LSAMP: variants seen among roughly 807,000 people sequenced by gnomAD.
LSAMP encodes the protein limbic system-associated membrane protein.
Under a neutral mutation model 38.6 loss-of-function variants are expected in LSAMP, and 7 were observed. The observed-to-expected ratio is 0.18, with a 90% CI of 0.10 to 0.34. LSAMP has a LOEUF of 0.34. Ranked by LOEUF, LSAMP falls within the 10% of genes least tolerant of loss-of-function variation. LSAMP has a pLI of 1.00. For missense variants in LSAMP, 313 were observed against 420.0 expected, an observed-to-expected ratio of 0.75 and a Z score of 2.23; for synonymous variants, 154 against 166.8, an observed-to-expected ratio of 0.92 and a Z score of 0.59.
At chr3:116,004,364 A>T (rs1940089064) in intron 3 of LSAMP, among the ~76,000 whole-genome samples, 1 of 151,960 alleles carries the variant, frequency 6.6e-6, no homozygotes, top group Non-Finnish European at 1.5e-5. Context: ...AATAAAAATA[A>T]TATCAAGTTC....
chr3:116,017,785 G>A (rs1940525736), intron 3 of LSAMP, among the ~76,000 whole-genome samples: 1 of 152,078 alleles, frequency 6.6e-6, no homozygotes, highest in Non-Finnish European at 1.5e-5. Flanking sequence ...CTTTTCAAAG[G>A]AAAACTATGT....
At chr3:115,839,132 C>A (rs553066513) in intron 6 of LSAMP, among the ~76,000 whole-genome samples, 21 of 152,348 alleles carry the variant, frequency 1.4e-4, no homozygotes, top group African/African-American at 4.6e-4. Flanking sequence ...TGCACAGTGT[C>A]TTCCTTTTCC....
chr3:116,348,564 T>C (rs2048094360), intron 1 of LSAMP, among the ~76,000 whole-genome samples: 1 of 152,158 alleles, frequency 6.6e-6, no homozygotes, highest in Non-Finnish European at 1.5e-5. Context: ...TTAGAGGCCA[T>C]GACTGTGTAA....
chr3:116,007,663 AACACAC>A (rs71616337), intron 3 of LSAMP, among the ~76,000 whole-genome samples: 2 of 150,764 alleles, frequency 1.3e-5, no homozygotes, highest in East Asian at 1.9e-4. Flanking sequence ...TATTTTTATA[AACACAC>A]ACACACACAC....
intron 3 of LSAMP, among the ~76,000 whole-genome samples, chr3:115,959,046 T>G (rs569345705): frequency 1.3e-5 from 2 of 152,204 alleles, no homozygotes; most frequent in East Asian, 3.9e-4. Context: ...CCATACCCTA[T>G]AGTTAGGACA....
At chr3:116,195,384 A>G (rs1302785737) in intron 1 of LSAMP, among the ~76,000 whole-genome samples, 1 of 152,192 alleles carries the variant, frequency 6.6e-6, no homozygotes, top group Non-Finnish European at 1.5e-5. Flanking sequence ...TTCTATTATT[A>G]AAAGCAATTT....
intron 1 of LSAMP, among the ~76,000 whole-genome samples, chr3:116,279,451 C>G (rs780553748): frequency 1.3e-5 from 2 of 152,206 alleles, no homozygotes; most frequent in Admixed American, 6.5e-5. Flanking sequence ...CAATATAACT[C>G]TAGTCTTTGA....
At chr3:115,842,663 T>C (rs1935034896) in intron 4 of LSAMP, 85 bp from the exon 5 acceptor site, 1 of 1,544,388 alleles carries the variant, frequency 6.5e-7, no homozygotes, top group Admixed American at 1.8e-5. Context: ...AAGGACAATC[T>C]GATTAGAGAG....
chr3:116,389,780 T>C (rs2048668935), intron 1 of LSAMP, among the ~76,000 whole-genome samples: 1 of 152,204 alleles, frequency 6.6e-6, no homozygotes, highest in Non-Finnish European at 1.5e-5. Flanking sequence ...CTTCTGAACC[T>C]AGAACATATT....
intron 3 of LSAMP, among the ~76,000 whole-genome samples, chr3:115,993,665 G>A (rs1253941985): frequency 6.6e-6 from 1 of 151,712 alleles, no homozygotes; most frequent in African/African-American, 2.4e-5. Context: ...TAAACCTTTT[G>A]CCCTCAAAAT....
intron 3 of LSAMP, among the ~76,000 whole-genome samples, chr3:115,872,271 T>C (rs1002752339): frequency 1.3e-5 from 2 of 152,148 alleles, no homozygotes; most frequent in African/African-American, 4.8e-5. Context: ...CTGTTAAATA[T>C]ATTTTCTTGC....
At chr3:116,325,931 A>G (rs1454240188) in intron 1 of LSAMP, among the ~76,000 whole-genome samples, 1 of 152,186 alleles carries the variant, frequency 6.6e-6, no homozygotes, top group Non-Finnish European at 1.5e-5. Flanking sequence ...AAGAAAGCAC[A>G]AGCGTATCCA....
At chr3:115,992,410 T>C (rs970821156) in intron 3 of LSAMP, among the ~76,000 whole-genome samples, 1 of 152,048 alleles carries the variant, frequency 6.6e-6, no homozygotes, top group Non-Finnish European at 1.5e-5. Context: ...GCTGGTCTTC[T>C]TTATAGTTTT....
chr3:115,972,325 TAGAA>T (rs1320002016), intron 3 of LSAMP, among the ~76,000 whole-genome samples: 1 of 151,976 alleles, frequency 6.6e-6, no homozygotes, highest in Non-Finnish European at 1.5e-5. Flanking sequence ...AGAAATAAGT[TAGAA>T]AGACCAAATT....
chr3:116,227,185 G>A (rs1024455012), intron 1 of LSAMP, among the ~76,000 whole-genome samples: 2 of 152,050 alleles, frequency 1.3e-5, no homozygotes, highest in East Asian at 1.9e-4. Context: ...CTACCCATAT[G>A]CTTGTAAACT....
chr3:115,906,691 G>A (rs567566179), intron 3 of LSAMP, among the ~76,000 whole-genome samples: 16 of 152,078 alleles, frequency 1.1e-4, no homozygotes, highest in Non-Finnish European at 2.1e-4. Context: ...TAAATAAATT[G>A]CTATCTACAA....
At chr3:116,109,811 A>C (rs957680255) in intron 1 of LSAMP, among the ~76,000 whole-genome samples, 3 of 150,300 alleles carry the variant, frequency 2.0e-5, no homozygotes, top group Non-Finnish European at 4.4e-5. Context: ...GAGAAAAGAG[A>C]GCATAGAGAC....
intron 3 of LSAMP, among the ~76,000 whole-genome samples, chr3:115,957,495 T>C (rs1287683696): frequency 1.3e-5 from 2 of 152,186 alleles, no homozygotes; most frequent in East Asian, 3.9e-4. Context: ...CCAGTGCAGC[T>C]GTGGCAACCT....
At chr3:116,249,517 C>G (rs1254279806) in intron 1 of LSAMP, among the ~76,000 whole-genome samples, 2 of 151,958 alleles carry the variant, frequency 1.3e-5, no homozygotes, top group African/African-American at 4.8e-5. Flanking sequence ...TCCTGAGTAG[C>G]TGGGATTACA....
Sources: gnomAD v4.1 joint callset for allele counts (sites outside exome capture counted in the v4.1 genomes callset) on GRCh38, gnomAD v4.1.1 for gene constraint, MANE v1.5 for transcripts, NCBI Gene and HGNC (gene_info 2026-07-23, HGNC 2026-07-21) for gene names.